Variants in LAMA2 observed in about 807,000 individuals in gnomAD.
The protein encoded by LAMA2 is laminin subunit alpha 2.
In LAMA2, 269 loss-of-function variants were observed where a neutral mutation model predicts 364.8. That is an observed-to-expected ratio of 0.74 (90% CI 0.67 to 0.82). LAMA2 has a LOEUF of 0.82. LAMA2 is among the 40% of genes least tolerant of loss of function. The probability of loss-of-function intolerance (pLI) is 0.00; values close to 1 mark genes in which losing one functional copy is unlikely to be tolerated. For missense variants in LAMA2, 3,807 were observed against 3,873.2 expected (o/e 0.98, Z 0.45); for synonymous variants, 1,379 against 1,370.6 (o/e 1.01, Z -0.14).
chr6:128,904,310 G>A (rs1777278577), intron 1 of LAMA2, among the ~76,000 whole-genome samples: 1 of 152,036 alleles, frequency 6.6e-6, no homozygotes, highest in South Asian at 2.1e-4. Context: ...GAGTGTGAAT[G>A]CCCTTAACAC....
chr6:129,511,595 A>G (rs1156777602), intron 62 of LAMA2, among the ~76,000 whole-genome samples: 1 of 152,228 alleles, frequency 6.6e-6, no homozygotes, highest in African/African-American at 2.4e-5. Flanking sequence ...TGCCTAATAA[A>G]TAGAAGACTT....
At chr6:129,294,845 T>C (rs539629338) in intron 20 of LAMA2, among the ~76,000 whole-genome samples, 8 of 152,170 alleles carry the variant, frequency 5.3e-5, no homozygotes, top group Non-Finnish European at 1.0e-4. Context: ...ATTACTATTA[T>C]TATTACCAAT....
chr6:129,283,851 G>A (rs1284274909), intron 18 of LAMA2, among the ~76,000 whole-genome samples: 1 of 151,944 alleles, frequency 6.6e-6, no homozygotes, highest in African/African-American at 2.4e-5. Flanking sequence ...TGAATGCAGA[G>A]CATGGGCTAC....
Position 129,427,759 on chromosome 6 carries a change from G to A in LAMA2, c.5873G>A (p.Gly1958Asp), listed in dbSNP as rs775625378. Residue 1958 changes from glycine to aspartate, a missense_variant, in exon 41 of 65, where the codon GGT (glycine) becomes GAT (aspartate). Around this residue, in one of 3 missense-constraint regions of LAMA2, gnomAD observed 3,333 missense variants for 3,345.7 expected, o/e 1.00. Transcript: ENST00000421865. ...TTGTTTTTCTGTCCACAGGCAACAG[G>A]TCCTCGGGGTTTATTAAAGGAAGAT... ...LAHEATKLAT[G>D]PRGLLKEDAK... is the part of the protein sequence containing the mutation. 12 of 1,612,344 alleles carry A rather than the reference G, an allele frequency of 7.4e-6. No homozygotes were observed. In the South Asian group the frequency reaches 9.9e-5, roughly 13 times the overall value.
intron 1 of LAMA2, among the ~76,000 whole-genome samples, chr6:128,983,348 T>C (rs892098457): frequency 6.6e-6 from 1 of 152,208 alleles, no homozygotes; most frequent in Admixed American, 6.5e-5. Context: ...TTGGTTTGCA[T>C]TTCTCTGATG....
intron 56 of LAMA2, among the ~76,000 whole-genome samples, chr6:129,491,674 GTGC>G (rs1784870125): frequency 6.6e-6 from 1 of 152,220 alleles, no homozygotes; most frequent in South Asian, 2.1e-4. Context: ...TAATGTTGCA[GTGC>G]GCCATGACCT....
intron 1 of LAMA2, among the ~76,000 whole-genome samples, chr6:128,926,836 A>G (rs1400999697): frequency 6.6e-6 from 1 of 152,218 alleles, no homozygotes; most frequent in Non-Finnish European, 1.5e-5. Flanking sequence ...CATCAGATAT[A>G]ACGTTGTAGT....
intron 55 of LAMA2, among the ~76,000 whole-genome samples, chr6:129,482,930 G>C (rs898844394): frequency 6.6e-6 from 1 of 151,948 alleles, no homozygotes; most frequent in Non-Finnish European, 1.5e-5. Flanking sequence ...AGCCAGGCAT[G>C]GTAGCAGGTG....
intron 1 of LAMA2, among the ~76,000 whole-genome samples, chr6:128,960,934 C>T (rs1259283027): frequency 6.6e-6 from 1 of 151,756 alleles, no homozygotes; most frequent in Non-Finnish European, 1.5e-5. Flanking sequence ...ATGGGAGATA[C>T]AAAATTTCTG....
intron 12 of LAMA2, among the ~76,000 whole-genome samples, chr6:129,228,531 T>G (rs1784477797): frequency 6.6e-6 from 1 of 152,216 alleles, no homozygotes; most frequent in Non-Finnish European, 1.5e-5. Context: ...AATAATTAAA[T>G]TATTTTAAAA....
At chr6:129,202,990 A>T (rs1782400267) in intron 12 of LAMA2, among the ~76,000 whole-genome samples, 1 of 152,224 alleles carries the variant, frequency 6.6e-6, no homozygotes, top group Non-Finnish European at 1.5e-5. Flanking sequence ...CTAGCCAGTC[A>T]TGTTTTCAGC....
chr6:129,395,009 T>A (rs988520673), intron 37 of LAMA2, among the ~76,000 whole-genome samples: 2 of 152,258 alleles, frequency 1.3e-5, no homozygotes, highest in Non-Finnish European at 2.9e-5. Context: ...AGATTATTTA[T>A]GGTTGCTTAA....
chr6:129,171,229 G>T (rs983207424), intron 9 of LAMA2, among the ~76,000 whole-genome samples: 3 of 151,362 alleles, frequency 2.0e-5, no homozygotes, highest in Non-Finnish European at 4.4e-5. Flanking sequence ...GATGTTAGCT[G>T]GTTATTTTGC....
At chr6:129,222,344 A>G (rs1162770520) in intron 12 of LAMA2, among the ~76,000 whole-genome samples, 1 of 149,894 alleles carries the variant, frequency 6.7e-6, no homozygotes, top group Non-Finnish European at 1.5e-5. Context: ...TGCCTGGTAC[A>G]TAGCATTTTT....
At chr6:129,417,543 C>G (rs1780861350) in intron 40 of LAMA2, among the ~76,000 whole-genome samples, 2 of 152,112 alleles carry the variant, frequency 1.3e-5, no homozygotes, top group Non-Finnish European at 2.9e-5. Flanking sequence ...CAGTCCAGCC[C>G]CCTTCCTTCA....
intron 1 of LAMA2, among the ~76,000 whole-genome samples, chr6:129,021,844 A>G (rs1785470550): frequency 6.6e-6 from 1 of 152,222 alleles, no homozygotes; most frequent in Non-Finnish European, 1.5e-5. Flanking sequence ...GGTTTTACAA[A>G]GAGATGAAGA....
At chr6:129,277,618 A>G (rs893387050) in intron 17 of LAMA2, among the ~76,000 whole-genome samples, 2 of 152,196 alleles carry the variant, frequency 1.3e-5, no homozygotes, top group African/African-American at 4.8e-5. Flanking sequence ...TATCACATTA[A>G]GAATCTAAAG....
chr6:129,080,182 C>A (rs1204405595), intron 3 of LAMA2, among the ~76,000 whole-genome samples: 1 of 152,036 alleles, frequency 6.6e-6, no homozygotes, highest in East Asian at 1.9e-4. Context: ...AAGAAAGATA[C>A]TATTATAATT....
Position 128,957,291 on chromosome 6 carries a change from C to G in LAMA2, c.112+73934C>G, listed in dbSNP as rs180723910. 6.6e-5 allele frequency among the ~76,000 whole-genome samples: 10 copies of G among 152,146 alleles called. No homozygotes were observed. The East Asian group carries it at 1.5e-3, about 24-fold the overall frequency. ...TGAATTTATAAACCACTAAATCTTA[C>G]AGGTTTAATACTCAAAACTCCTCTT... is the stretch of plus-strand genomic sequence containing the variant. On this transcript the variant is annotated intron_variant, in intron 1 of 64. Transcript: ENST00000421865.
Sources: gnomAD v4.1 joint callset for allele counts (sites outside exome capture counted in the v4.1 genomes callset) on GRCh38, gnomAD v4.1.1 for gene constraint, gnomAD v4.1.1 regional missense constraint, MANE v1.5 for transcripts, NCBI Gene and HGNC (gene_info 2026-07-23, HGNC 2026-07-21) for gene names.